PRKN: variants seen among roughly 807,000 people sequenced by gnomAD.
The protein encoded by PRKN is parkin RBR E3 ubiquitin protein ligase, also known as E3 ubiquitin-protein ligase parkin.
PRKN carries 56 observed loss-of-function variants against 59.5 expected under a neutral mutation model. The ratio of observed to expected loss-of-function variants is 0.94; its 90% CI spans 0.76 to 1.18. PRKN has a LOEUF of 1.18. Ranked by LOEUF, PRKN falls within the 50% of genes most tolerant of loss-of-function variation. The pLI, the probability that PRKN is intolerant of heterozygous loss-of-function variation, is 0.00. For missense variants in PRKN, 657 were observed against 596.4 expected, an observed-to-expected ratio of 1.10 and a Z score of -1.06; for synonymous variants, 250 against 222.1, an observed-to-expected ratio of 1.13 and a Z score of -1.12.
At chr6:161,368,376 A>T (rs1785303912) in intron 10 of PRKN, among the ~76,000 whole-genome samples, 7 of 73,352 alleles carry the variant, frequency 9.5e-5, no homozygotes, top group South Asian at 4.0e-4. Flanking sequence ...TAGCAACCTC[A>T]GTCTTGATAT....
At position 161,473,788 on chromosome 6, in the gene PRKN, C is replaced by A. The variant is rs1347499197; in HGVS notation, c.1083+75066G>T. On this transcript the variant is annotated intron_variant, in intron 9 of 11. Transcript: ENST00000366898. The surrounding 1 kb of genome is among the most constrained non-coding windows in gnomAD (Gnocchi z 4.1). ...ATGTTAATTTGCTTGAGTATAGTAACCACTTCACTATGTATAAATATATCA... is the reference window on the plus strand; with the variant it reads ...ATGTTAATTTGCTTGAGTATAGTAAACACTTCACTATGTATAAATATATCA... 6.6e-6 allele frequency among the ~76,000 whole-genome samples: 1 copy of A among 152,052 alleles called. No homozygotes were observed. Among genetic ancestry groups the A allele is most frequent in the Non-Finnish European group, 1.5e-5 (1 of 68,010 alleles).
chr6:162,246,412 C>CA (rs1327398451), intron 3 of PRKN, among the ~76,000 whole-genome samples: 1 of 151,976 alleles, frequency 6.6e-6, no homozygotes, highest in Non-Finnish European at 1.5e-5. Context: ...TCCAGAACCA[C>CA]AAAAAATAGA....
intron 4 of PRKN, among the ~76,000 whole-genome samples, chr6:162,075,658 G>A (rs1200665238): frequency 1.3e-5 from 2 of 151,946 alleles, no homozygotes; most frequent in Admixed American, 6.5e-5. Flanking sequence ...TTTTGGAGTG[G>A]TGGAGGTGAG....
chr6:162,602,189 A>C (rs1562425183), intron 1 of PRKN, among the ~76,000 whole-genome samples: 1 of 152,212 alleles, frequency 6.6e-6, no homozygotes. Flanking sequence ...AGGGAGAAAC[A>C]ACCTCTGGGA....
intron 2 of PRKN, among the ~76,000 whole-genome samples, chr6:162,434,725 A>G (rs1190253149): frequency 1.3e-5 from 2 of 152,202 alleles, no homozygotes; most frequent in African/African-American, 2.4e-5. Flanking sequence ...TAACTTATTA[A>G]TTAAAGCTAT....
At chr6:161,543,257 A>G (rs2115413980) in intron 9 of PRKN, among the ~76,000 whole-genome samples, 1 of 152,340 alleles carries the variant, frequency 6.6e-6, no homozygotes, top group South Asian at 2.1e-4. Context: ...TGCTGTTGTG[A>G]TAAGTCGTTC....
intron 1 of PRKN, among the ~76,000 whole-genome samples, chr6:162,471,422 A>G (rs2128178339): frequency 6.6e-6 from 1 of 152,292 alleles, no homozygotes; most frequent in African/African-American, 2.4e-5. Flanking sequence ...TTAAGCTGGA[A>G]GTTATCATAG....
chr6:161,542,019 G>A (rs887959106), intron 9 of PRKN, among the ~76,000 whole-genome samples: 4 of 152,066 alleles, frequency 2.6e-5, no homozygotes, highest in Admixed American at 6.6e-5. Flanking sequence ...CTGCCACCTC[G>A]GTAACAGCAA....
chr6:162,073,666 G>A (rs1778684311), intron 4 of PRKN, among the ~76,000 whole-genome samples: 1 of 152,156 alleles, frequency 6.6e-6, no homozygotes, highest in Non-Finnish European at 1.5e-5. Context: ...TGGCCAGACT[G>A]GTGTGGAACT....
intron 5 of PRKN, among the ~76,000 whole-genome samples, chr6:162,021,438 A>AATATATATATATATATATATATATAT (rs1193427302): frequency 8.3e-6 from 1 of 120,794 alleles, no homozygotes; most frequent in African/African-American, 3.3e-5. Flanking sequence ...CATTACAGGG[A>AATATATATATATATATATATATATAT]ATATATATAT....
chr6:161,779,700 A>G (rs1240307210), intron 7 of PRKN, among the ~76,000 whole-genome samples: 3 of 151,590 alleles, frequency 2.0e-5, no homozygotes, highest in East Asian at 3.9e-4. Context: ...ACCTCGTCCT[A>G]CCAAAGTGTT....
chr6:162,707,689 CTCAGCCTCCT>C (rs1262545999), intron 1 of PRKN, among the ~76,000 whole-genome samples: 2 of 152,066 alleles, frequency 1.3e-5, no homozygotes, highest in African/African-American at 4.8e-5. Flanking sequence ...ATTCTCACGC[CTCAGCCTCCT>C]GAGTAGCTGG....
At chr6:162,151,902 A>T (rs1017290787) in intron 4 of PRKN, among the ~76,000 whole-genome samples, 4 of 152,226 alleles carry the variant, frequency 2.6e-5, no homozygotes, top group Non-Finnish European at 5.9e-5. Context: ...ATTTACACTG[A>T]TTATTTTACT....
At chr6:161,925,177 C>CA (rs1778921630) in intron 6 of PRKN, among the ~76,000 whole-genome samples, 1 of 152,134 alleles carries the variant, frequency 6.6e-6, no homozygotes, top group South Asian at 2.1e-4. Flanking sequence ...TTAAATACCA[C>CA]AAAATCCAAA....
Position 162,021,151 on chromosome 6 carries a change from TATATATATATATATAA to T in PRKN, c.618+32924_618+32939del, listed in dbSNP as rs1324714262. ...ATATATATATATATATATATATATA[TATATATATATATATAA>T]AATATATGTGTATATATATTATATA... On this transcript the variant is annotated intron_variant, in intron 5 of 11. Coordinates refer to ENST00000366898, the MANE Select transcript of PRKN (RefSeq NM_004562.3). 3.9e-3 allele frequency among the ~76,000 whole-genome samples: 65 copies of T among 16,872 alleles called. 6 individuals are homozygous for T. Among genetic ancestry groups the T allele is most frequent in the African/African-American group, 0.013 (64 of 4,930 alleles). The allele number at this position is 16,872 out of a possible 152,430, so 11.1% of individuals were successfully genotyped here. A position where few individuals can be genotyped will look rare whatever the true frequency, so the allele number is the denominator to read the frequency against.
intron 1 of PRKN, among the ~76,000 whole-genome samples, chr6:162,450,311 A>G (rs901206828): frequency 8.9e-6 from 1 of 112,780 alleles, no homozygotes; most frequent in Non-Finnish European, 1.6e-5. Flanking sequence ...GTGAATATGA[A>G]CGCCCGTGAA....
chr6:161,705,399 G>C (rs1786444291), intron 7 of PRKN, among the ~76,000 whole-genome samples: 1 of 152,088 alleles, frequency 6.6e-6, no homozygotes. Flanking sequence ...TGTACAAAAA[G>C]TGAAAAACAA....
intron 7 of PRKN, among the ~76,000 whole-genome samples, chr6:161,687,388 C>CAAAAAAA (rs1192587302): frequency 1.9e-5 from 1 of 51,552 alleles, no homozygotes; most frequent in African/African-American, 8.9e-5. Flanking sequence ...GACTCCATCT[C>CAAAAAAA]AAAAAAAAAA....
At chr6:161,521,399 A>C (rs2115358951) in intron 9 of PRKN, among the ~76,000 whole-genome samples, 1 of 152,336 alleles carries the variant, frequency 6.6e-6, no homozygotes, top group East Asian at 1.9e-4. Flanking sequence ...ATTGTGTTAA[A>C]GTTCCATGGA....
Sources: allele counts gnomAD v4.1 joint callset (sites outside exome capture counted in the v4.1 genomes callset), GRCh38; gene constraint gnomAD v4.1.1; non-coding constraint Gnocchi (gnomAD v3.1); transcripts MANE v1.5; gene names NCBI Gene and HGNC (gene_info 2026-07-23, HGNC 2026-07-21).